TCF12: variants seen among roughly 807,000 people sequenced by gnomAD.
The protein encoded by TCF12 is transcription factor 12.
Under a neutral mutation model 86.0 loss-of-function variants are expected in TCF12, and 45 were observed. The ratio of observed to expected loss-of-function variants is 0.52; its 90% CI spans 0.41 to 0.67. TCF12 has a LOEUF of 0.67. TCF12 is among the 30% of genes least tolerant of loss of function. TCF12 has a pLI of 0.00. For synonymous variants in TCF12, 330 were observed against 299.6 expected (o/e 1.10, Z -1.05); for missense variants, 881 against 859.9 (o/e 1.02, Z -0.31).
chr15:57,196,569 C>T (rs2703593), intron 7 of TCF12, among the ~76,000 whole-genome samples: 97,925 of 152,072 alleles, frequency 0.64, 34,068 homozygotes, highest in East Asian at 0.82. Context: ...GAATTTGATC[C>T]ATTTTTTGTG....
chr15:57,236,934 A>G (rs535802726), intron 12 of TCF12, among the ~76,000 whole-genome samples: 1 of 152,240 alleles, frequency 6.6e-6, no homozygotes, highest in African/African-American at 2.4e-5. Flanking sequence ...CATTTGCCAG[A>G]CAATAACCCT....
intron 5 of TCF12, among the ~76,000 whole-genome samples, chr15:57,145,947 G>T (rs1300930770): frequency 6.6e-6 from 1 of 152,112 alleles, no homozygotes; most frequent in Non-Finnish European, 1.5e-5. Flanking sequence ...CAGATCATCT[G>T]GTATGGTACC....
chr15:56,993,245 A>AT (rs561871245), intron 3 of TCF12, among the ~76,000 whole-genome samples: 393 of 152,006 alleles, frequency 2.6e-3, no homozygotes, highest in Non-Finnish European at 4.3e-3. Context: ...AAATTTTGTC[A>AT]TTTTTTTTGT....
chr15:57,226,981 T>C (rs2058914300), intron 8 of TCF12, among the ~76,000 whole-genome samples: 1 of 152,126 alleles, frequency 6.6e-6, no homozygotes. Flanking sequence ...TATTGGACAA[T>C]ACTCATATAA....
rs755902404 is a variant in TCF12 at position 57,210,744 on chromosome 15, G to A, written c.579+12919G>A. Among the ~76,000 whole-genome samples the A allele has an allele frequency of 4.5e-4, 68 of 152,154 alleles. 1 individual carries two copies. The highest frequency in any genetic ancestry group is 2.9e-4 in the African/African-American group (12 of 41,510). On this transcript the variant is annotated intron_variant, in intron 8 of 20. Transcript: ENST00000333725. ...ATGGCAAGGAAGCGTCCTCAAGATC[G>A]CGCACCTATAAAGTTACTGTAGTGT...
At chr15:57,187,473 A>T (rs1253995148) in intron 6 of TCF12, among the ~76,000 whole-genome samples, 4 of 152,226 alleles carry the variant, frequency 2.6e-5, no homozygotes, top group Admixed American at 2.6e-4. Context: ...CTTGGACAGT[A>T]CATCAAATAC....
intron 3 of TCF12, among the ~76,000 whole-genome samples, chr15:56,939,552 G>A (rs1233210633): frequency 6.6e-6 from 1 of 152,084 alleles, no homozygotes; most frequent in Non-Finnish European, 1.5e-5. Context: ...ATGTATATTA[G>A]ACAGATTATA....
At chr15:57,036,743 C>CAA (rs1363001379) in intron 3 of TCF12, among the ~76,000 whole-genome samples, 44 of 152,074 alleles carry the variant, frequency 2.9e-4, no homozygotes, top group Non-Finnish European at 5.9e-5. Flanking sequence ...ATTCTAAATA[C>CAA]AAATTCCTTA....
At chr15:57,279,726 G>A (rs138173549) in intron 19 of TCF12, among the ~76,000 whole-genome samples, 66 of 152,042 alleles carry the variant, frequency 4.3e-4, no homozygotes, top group Middle Eastern at 6.8e-3. Flanking sequence ...GTCATAGTTG[G>A]CTAAGAGCAA....
chr15:57,237,634 T>C (rs1197655887), intron 12 of TCF12, among the ~76,000 whole-genome samples: 2 of 152,212 alleles, frequency 1.3e-5, no homozygotes, highest in Non-Finnish European at 2.9e-5. Flanking sequence ...TCTAAATCAC[T>C]CTTTACCCCC....
chr15:57,032,512 T>C (rs55910715), intron 3 of TCF12, among the ~76,000 whole-genome samples: 14,365 of 152,278 alleles, frequency 0.094, 874 homozygotes, highest in South Asian at 0.17. Flanking sequence ...CGCAGCAGCC[T>C]GGACCTCCCA....
intron 8 of TCF12, among the ~76,000 whole-genome samples, chr15:57,218,302 G>C (rs2058419396): frequency 6.6e-6 from 1 of 152,184 alleles, no homozygotes; most frequent in Non-Finnish European, 1.5e-5. Context: ...ATAGTACAAA[G>C]AAGTTTTGAT....
intron 5 of TCF12, among the ~76,000 whole-genome samples, chr15:57,157,484 A>C (rs2054190915): frequency 6.6e-6 from 1 of 152,186 alleles, no homozygotes; most frequent in Non-Finnish European, 1.5e-5. Flanking sequence ...TTTAGAATAT[A>C]CAACTGTTAA....
chr15:56,971,162 G>A (rs1050391116), intron 3 of TCF12, among the ~76,000 whole-genome samples: 7 of 152,156 alleles, frequency 4.6e-5, no homozygotes, highest in Non-Finnish European at 8.8e-5. Flanking sequence ...CTTGGCTCAC[G>A]CCTGTAATCC....
chr15:56,948,385 A>G (rs2061109554), intron 3 of TCF12, among the ~76,000 whole-genome samples: 1 of 152,236 alleles, frequency 6.6e-6, no homozygotes, highest in South Asian at 2.1e-4. Flanking sequence ...ATGATCGGAA[A>G]AAATGATCTA....
intron 3 of TCF12, among the ~76,000 whole-genome samples, chr15:56,992,733 A>G (rs1205059129): frequency 1.3e-5 from 2 of 152,238 alleles, no homozygotes; most frequent in Non-Finnish European, 2.9e-5. Context: ...GATTTTATTA[A>G]TAGTGTTACG....
intron 4 of TCF12, among the ~76,000 whole-genome samples, chr15:57,075,835 T>TCTCTTTTCTTTC (rs778545170): frequency 4.0e-5 from 2 of 49,994 alleles, no homozygotes; most frequent in African/African-American, 1.9e-4. Context: ...TCTCTCTCTC[T>TCTCTTTTCTTTC]TTTCTTTCTT....
chr15:57,072,553 G>C, intron 4 of TCF12: 1 of 636,100 alleles, frequency 1.6e-6, no homozygotes, highest in African/African-American at 2.0e-5. Context: ...ATTTTTGAAG[G>C]GGAAAAAGGT....
chr15:56,922,584 A>T (rs762536894), intron 3 of TCF12, among the ~76,000 whole-genome samples: 15 of 152,052 alleles, frequency 9.9e-5, no homozygotes, highest in Non-Finnish European at 2.1e-4. Context: ...TTATTTTTCT[A>T]CATTGCGAAT....
Sources: allele counts gnomAD v4.1 joint callset (sites outside exome capture counted in the v4.1 genomes callset), GRCh38; gene constraint gnomAD v4.1.1; transcripts MANE v1.5; gene names NCBI Gene and HGNC (gene_info 2026-07-23, HGNC 2026-07-21).